Variants in TENM2 observed in about 807,000 individuals in gnomAD.
The protein encoded by TENM2 is teneurin-2.
In TENM2, 52 loss-of-function variants were observed where a neutral mutation model predicts 245.2. The observed-to-expected ratio is 0.21, with a 90% confidence interval of 0.17 to 0.27. The LOEUF (loss-of-function observed/expected upper bound fraction) is 0.27, where lower values mean the gene tolerates loss of function less well. TENM2 is among the 10% of genes least tolerant of loss of function. TENM2 has a pLI of 1.00. For missense variants in TENM2, 3,046 were observed against 3,666.8 expected (o/e 0.83, Z 4.37); for synonymous variants, 1,363 against 1,438.9 (o/e 0.95, Z 1.19).
chr5:167,511,196 C>T (rs1462153109), intron 2 of TENM2, among the ~76,000 whole-genome samples: 2 of 152,100 alleles, frequency 1.3e-5, no homozygotes, highest in African/African-American at 2.4e-5. Flanking sequence ...AGAGATAAAA[C>T]ATGCACAAAG....
chr5:168,167,493 G>A (rs1032693779), intron 13 of TENM2, among the ~76,000 whole-genome samples: 9 of 152,130 alleles, frequency 5.9e-5, no homozygotes, highest in Non-Finnish European at 1.3e-4. Context: ...CCCATCTGTG[G>A]GCAGCGGTGA....
At chr5:167,174,741 C>T in the TENM2 span, among the ~76,000 whole-genome samples, 9 of 152,184 alleles carry the variant, frequency 5.9e-5, no homozygotes, top group East Asian at 7.7e-4. Context: ...ATAGTCAACA[C>T]GCTGTACATT....
chr5:167,393,088 C>T (rs1761851282), intron 2 of TENM2, among the ~76,000 whole-genome samples: 1 of 149,038 alleles, frequency 6.7e-6, no homozygotes, highest in South Asian at 2.1e-4. Flanking sequence ...TGCTACTGCA[C>T]TCCAGCATGG....
intron 4 of TENM2, among the ~76,000 whole-genome samples, chr5:167,981,987 AAAAAAAAAG>A (rs1229120137): frequency 3.3e-5 from 5 of 151,392 alleles, no homozygotes; most frequent in Non-Finnish European, 5.9e-5. Context: ...ACCAAAAAAA[AAAAAAAAAG>A]AAAAAAGAAA....
the TENM2 span, among the ~76,000 whole-genome samples, chr5:167,059,134 A>G: frequency 0.64 from 96,386 of 151,624 alleles, 32,885 homozygotes; most frequent in African/African-American, 0.9. Context: ...AATATGCAGC[A>G]TATGAATCAG....
intron 13 of TENM2, among the ~76,000 whole-genome samples, chr5:168,166,175 T>C (rs1242477027): frequency 6.6e-6 from 1 of 152,112 alleles, no homozygotes; most frequent in Non-Finnish European, 1.5e-5. Flanking sequence ...TATGTGAGTT[T>C]ATAAACCTGG....
the TENM2 span, among the ~76,000 whole-genome samples, chr5:167,230,871 T>G: frequency 1.3e-5 from 2 of 152,370 alleles, no homozygotes; most frequent in African/African-American, 4.8e-5. Context: ...AAATCTCGTC[T>G]TGAATTATAA....
At chr5:168,128,410 C>T (rs1796007626) in intron 12 of TENM2, among the ~76,000 whole-genome samples, 1 of 152,148 alleles carries the variant, frequency 6.6e-6, no homozygotes, top group African/African-American at 2.4e-5. Context: ...CATGAAGATT[C>T]CCCTCCCCAT....
At position 167,918,436 on chromosome 5, in the gene TENM2, G is replaced by A. The variant is rs112876372; in HGVS notation, c.713-34152G>A. 2.7e-3 allele frequency among the ~76,000 whole-genome samples: 412 copies of A among 152,278 alleles called. 1 individual carries two copies. The highest frequency in any genetic ancestry group is 9.5e-3 in the African/African-American group (396 of 41,542). On this transcript the variant is annotated intron_variant, in intron 3 of 28. Transcript: ENST00000518659. ...CGGTGGGACACGTCACCACCTGCAC[G>A]TCTCCCTATAAGCTCTTACCTGCCG...
chr5:168,163,194 T>A (rs936384285), intron 13 of TENM2, among the ~76,000 whole-genome samples: 2 of 152,226 alleles, frequency 1.3e-5, no homozygotes, highest in Non-Finnish European at 2.9e-5. Flanking sequence ...AACCGAGGCC[T>A]GAAGAGTGAT....
At chr5:167,286,642 T>G (rs1754286719) in intron 1 of TENM2, among the ~76,000 whole-genome samples, 1 of 152,210 alleles carries the variant, frequency 6.6e-6, no homozygotes, top group Admixed American at 6.5e-5. Context: ...GCTGTAGTTT[T>G]TGTCTCATTT....
the TENM2 span, among the ~76,000 whole-genome samples, chr5:167,202,896 T>C: frequency 2.0e-5 from 3 of 152,168 alleles, no homozygotes; most frequent in Admixed American, 1.3e-4. Flanking sequence ...ACATGAATCC[T>C]CCTCTCAGGT....
chr5:167,588,330 A>G (rs1236937393), intron 2 of TENM2, among the ~76,000 whole-genome samples: 1 of 152,192 alleles, frequency 6.6e-6, no homozygotes, highest in Non-Finnish European at 1.5e-5. Flanking sequence ...TAGTTTGTGT[A>G]TCTGCATTGA....
intron 3 of TENM2, among the ~76,000 whole-genome samples, chr5:167,916,968 A>G (rs1348723387): frequency 2.0e-5 from 3 of 152,182 alleles, no homozygotes; most frequent in Non-Finnish European, 4.4e-5. Flanking sequence ...CAGAGCTGCA[A>G]TGGGAGGTAT....
At chr5:167,071,712 GA>G in the TENM2 span, among the ~76,000 whole-genome samples, 1 of 152,070 alleles carries the variant, frequency 6.6e-6, no homozygotes, top group African/African-American at 2.4e-5. Context: ...CGATATTACT[GA>G]ATTTTGTATG....
chr5:168,040,255 A>G (rs1788069932), intron 5 of TENM2, among the ~76,000 whole-genome samples: 1 of 152,180 alleles, frequency 6.6e-6, no homozygotes, highest in Admixed American at 6.5e-5. Flanking sequence ...GGAAGATTTG[A>G]GTTCCTCTAG....
intron 2 of TENM2, among the ~76,000 whole-genome samples, chr5:167,755,963 T>C (rs1459984517): frequency 6.6e-6 from 1 of 152,166 alleles, no homozygotes; most frequent in East Asian, 1.9e-4. Context: ...TTTTACAAAG[T>C]ATCTTCACTG....
chr5:167,261,154 G>A, the TENM2 span, among the ~76,000 whole-genome samples: 1 of 152,090 alleles, frequency 6.6e-6, no homozygotes, highest in Non-Finnish European at 1.5e-5. Flanking sequence ...GGAGTGGAGG[G>A]CAGTCTACTT....
chr5:167,452,950 T>TATATATATTTTAA (rs1554157770), intron 2 of TENM2, among the ~76,000 whole-genome samples: 17,895 of 99,086 alleles, frequency 0.18, 2,372 homozygotes, highest in Middle Eastern at 0.29. Flanking sequence ...TATATATATA[T>TATATATATTTTAA]ATATATATAT....
Sources: allele counts gnomAD v4.1 joint callset (sites outside exome capture counted in the v4.1 genomes callset), GRCh38; gene constraint gnomAD v4.1.1; transcripts MANE v1.5; gene names NCBI Gene and HGNC (gene_info 2026-07-23, HGNC 2026-07-21).